NFAT5: variants seen among roughly 807,000 people sequenced by gnomAD.
NFAT5 encodes nuclear factor of activated T-cells 5.
Under a neutral mutation model 166.5 loss-of-function variants are expected in NFAT5, and 31 were observed. The ratio of observed to expected loss-of-function variants is 0.19; its 90% CI spans 0.14 to 0.25. The LOEUF is 0.25. Among genes scored for constraint, NFAT5 ranks in the 10% least tolerant of loss-of-function variants. The pLI is 1.00. For missense variants in NFAT5, 1,449 were observed against 1,821.8 expected (o/e 0.80, Z 3.72); for synonymous variants, 612 against 639.7 (o/e 0.96, Z 0.65).
At chr16:69,655,836 A>T in intron 6 of NFAT5, 37 bp downstream of exon 6, 1 of 1,506,230 alleles carries the variant, frequency 6.6e-7, no homozygotes, top group Non-Finnish European at 9.1e-7. Flanking sequence ...TATACATTAC[A>T]CTCTTGTGTT....
intron 6 of NFAT5, among the ~76,000 whole-genome samples, chr16:69,656,282 CAAAAAAA>C (rs1230748739): frequency 6.8e-5 from 4 of 58,862 alleles, no homozygotes; most frequent in South Asian, 6.6e-4. Flanking sequence ...CTCTGTCTCA[CAAAAAAA>C]AAAAAAAAAA....
intron 3 of NFAT5, among the ~76,000 whole-genome samples, chr16:69,642,584 G>T (rs2035259257): frequency 6.6e-6 from 1 of 152,124 alleles, no homozygotes; most frequent in South Asian, 2.1e-4. Context: ...ACTTTGGGAG[G>T]CTGAGGTGGG....
intron 3 of NFAT5, among the ~76,000 whole-genome samples, chr16:69,639,852 A>C (rs1306839513): frequency 6.6e-6 from 1 of 152,224 alleles, no homozygotes; most frequent in Non-Finnish European, 1.5e-5. Context: ...GAGAGCATCT[A>C]TAAACAGAAC....
At chr16:69,649,638 CTA>C in intron 4 of NFAT5, 1 of 755,376 alleles carries the variant, frequency 1.3e-6, no homozygotes, top group Non-Finnish European at 1.6e-6. Context: ...TTTATAACAA[CTA>C]TATTGAGGAA....
chr16:69,660,616 A>G (rs937783986), intron 7 of NFAT5, among the ~76,000 whole-genome samples: 1 of 152,184 alleles, frequency 6.6e-6, no homozygotes, highest in Admixed American at 6.5e-5. Context: ...ATAATATTAT[A>G]GTATAGTGTT....
chr16:69,691,360 A>G (rs956583567), intron 12 of NFAT5, among the ~76,000 whole-genome samples: 7 of 151,928 alleles, frequency 4.6e-5, no homozygotes, highest in Non-Finnish European at 8.8e-5. Flanking sequence ...TTTTCCCATA[A>G]CTTTCTGTTT....
At chr16:69,681,170 A>G (rs139423782) in intron 10 of NFAT5, among the ~76,000 whole-genome samples, 2 of 152,224 alleles carry the variant, frequency 1.3e-5, no homozygotes, top group East Asian at 1.9e-4. Context: ...AATTTGGCCT[A>G]TCTCAGTATG....
intron 2 of NFAT5, among the ~76,000 whole-genome samples, chr16:69,588,513 C>CACTTATTT (rs11282648): frequency 0.36 from 55,121 of 151,452 alleles, 10,930 homozygotes; most frequent in African/African-American, 0.53. Flanking sequence ...GTTCTCACCA[C>CACTTATTT]ACTTATTTGT....
intron 2 of NFAT5, among the ~76,000 whole-genome samples, chr16:69,601,494 A>G (rs2033131195): frequency 6.6e-6 from 1 of 152,110 alleles, no homozygotes; most frequent in African/African-American, 2.4e-5. Context: ...AGGCCTTTCA[A>G]GTGGCTAGGA....
At chr16:69,610,822 T>C (rs906531322) in intron 2 of NFAT5, among the ~76,000 whole-genome samples, 1 of 152,202 alleles carries the variant, frequency 6.6e-6, no homozygotes, top group African/African-American at 2.4e-5. Flanking sequence ...ATTCATACCA[T>C]TCTTGCATGG....
At chr16:69,624,550 C>T (rs2034359555) in intron 2 of NFAT5, among the ~76,000 whole-genome samples, 1 of 152,168 alleles carries the variant, frequency 6.6e-6, no homozygotes, top group African/African-American at 2.4e-5. Flanking sequence ...TTATTCTTTA[C>T]TGTGAATGAA....
chr16:69,609,495 G>A (rs1353430027), intron 2 of NFAT5, among the ~76,000 whole-genome samples: 1 of 152,198 alleles, frequency 6.6e-6, no homozygotes, highest in Non-Finnish European at 1.5e-5. Flanking sequence ...TTCTGCAGTT[G>A]TACGGAAAGT....
chr16:69,684,113 G>C (rs923775140), intron 10 of NFAT5, among the ~76,000 whole-genome samples: 11 of 151,634 alleles, frequency 7.3e-5, no homozygotes, highest in Admixed American at 2.0e-4. Flanking sequence ...TAAATAAATA[G>C]CCTGGCATGG....
chr16:69,662,988 C>T (rs1476211178), intron 7 of NFAT5, among the ~76,000 whole-genome samples: 4 of 152,096 alleles, frequency 2.6e-5, no homozygotes, highest in African/African-American at 4.8e-5. Flanking sequence ...GCTTGTATTT[C>T]TTTCCGTGAA....
rs768096607 is a variant in NFAT5, at chr16:69,670,120, G to A, written c.1504+9G>A. The A allele has an allele frequency of 1.1e-5, 18 of 1,608,454 alleles. No homozygotes were observed. Among genetic ancestry groups the A allele is most frequent in the African/African-American group, 2.7e-5 (2 of 74,548 alleles). On this transcript the variant is annotated intron_variant, in intron 8 of 14. Coordinates refer to ENST00000349945, the MANE Select transcript of NFAT5 (RefSeq NM_138713.4). The stretch of plus-strand genomic sequence containing the variant: ...CCAAGAAAATGTTTCTGGTAAGTAC[G>A]CATATTTGTGGTACAGATATTTGTA...
chr16:69,677,399 A>T (rs990431368), intron 10 of NFAT5, 64 bp downstream of exon 10: 21 of 1,409,910 alleles, frequency 1.5e-5, no homozygotes, highest in Non-Finnish European at 1.9e-5. Context: ...TTGAAAGAAT[A>T]TGAAGATGAC....
At chr16:69,680,344 A>C (rs2037007058) in intron 10 of NFAT5, among the ~76,000 whole-genome samples, 2 of 152,194 alleles carry the variant, frequency 1.3e-5, no homozygotes, top group Non-Finnish European at 2.9e-5. Flanking sequence ...TCCTGAAAAC[A>C]CTGAGATTTT....
chr16:69,649,640 A>G (rs992599733), intron 4 of NFAT5: 7 of 739,968 alleles, frequency 9.5e-6, no homozygotes, highest in Admixed American at 6.3e-5. Flanking sequence ...TATAACAACT[A>G]TATTGAGGAA....
chr16:69,634,238 C>G (rs540780595), intron 3 of NFAT5, among the ~76,000 whole-genome samples: 1 of 142,300 alleles, frequency 7.0e-6, no homozygotes. Flanking sequence ...GAGATCATGC[C>G]ACTGCACTCC....
Sources: gnomAD v4.1 joint callset for allele counts (sites outside exome capture counted in the v4.1 genomes callset) on GRCh38, gnomAD v4.1.1 for gene constraint, MANE v1.5 for transcripts, NCBI Gene and HGNC (gene_info 2026-07-23, HGNC 2026-07-21) for gene names.